Variants in ERICH6 observed in about 807,000 individuals in gnomAD.
ERICH6 encodes glutamate rich 6.
A neutral mutation model predicts 71.0 loss-of-function variants in ERICH6; 71 were observed. The observed-to-expected ratio is 1.00, with a 90% confidence interval of 0.83 to 1.22. ERICH6 has a LOEUF of 1.22. ERICH6 is among the 50% of genes most tolerant of loss of function. ERICH6 has a pLI of 0.00. For missense variants in ERICH6, 808 were observed against 797.2 expected (o/e 1.01, Z -0.16); for synonymous variants, 262 against 278.4 (o/e 0.94, Z 0.59).
At chr3:150,681,501 T>C (rs1711935053) in intron 7 of ERICH6, among the ~76,000 whole-genome samples, 1 of 152,248 alleles carries the variant, frequency 6.6e-6, no homozygotes, top group Non-Finnish European at 1.5e-5. Context: ...CATGCTGCTG[T>C]CAACATTTTT....
Position 150,702,103 on chromosome 3 carries a change from T to C in ERICH6, c.461+18A>G, listed in dbSNP as rs373051877. The C allele has an allele frequency of 6.0e-6, 9 of 1,504,796 alleles. No homozygotes were observed. The African/African-American group carries it at 1.2e-4, about 21-fold the overall frequency. 93.2% of individuals were successfully genotyped at this position (1,504,796 alleles called of 1,614,324 possible). A position where few individuals can be genotyped will look rare whatever the true frequency, so the allele number is the denominator to read the frequency against. Reference sequence around the variant, plus strand: ...TTATTGGGTTCAAAAAATGTGAAATTTGAAAACATTTTCTTACCTATCTAT... The same window carrying C: ...TTATTGGGTTCAAAAAATGTGAAATCTGAAAACATTTTCTTACCTATCTAT... On this transcript the variant is annotated intron_variant, in intron 2 of 13. Transcript: ENST00000295910.
rs574271897 is a variant in ERICH6 at position 150,683,514 on chromosome 3, C to T, written c.784-1198G>A. Among the ~76,000 whole-genome samples the T allele has an allele frequency of 3.1e-4, 47 of 152,080 alleles. 1 individual carries two copies. In the South Asian group the frequency reaches 6.6e-3, roughly 22 times the overall value. On this transcript the variant is annotated intron_variant, in intron 6 of 13. Transcript: ENST00000295910. ...GCATGGTGGCTCACACCTGTAATCCCGCACTTTGGGAGGCCGAGGCAGGCC... is the reference window on the plus strand; with the variant it reads ...GCATGGTGGCTCACACCTGTAATCCTGCACTTTGGGAGGCCGAGGCAGGCC...
intron 3 of ERICH6, among the ~76,000 whole-genome samples, chr3:150,689,831 C>G (rs7633706): frequency 0.61 from 92,266 of 151,994 alleles, 29,139 homozygotes; most frequent in Non-Finnish European, 0.7. Context: ...AGTCCCTTTG[C>G]GGGAGAACGC....
chr3:150,661,891 C>A (rs377680645), intron 13 of ERICH6, among the ~76,000 whole-genome samples: 3 of 151,992 alleles, frequency 2.0e-5, no homozygotes, highest in South Asian at 2.1e-4. Flanking sequence ...TAAAAACAAA[C>A]AAACAAAAAA....
At position 150,685,757 on chromosome 3, in the gene ERICH6, T is replaced by A; in HGVS notation, c.768A>T (p.Leu256Phe). ...ILAYKEESSN[L>F]GINFKDEEEE... ...TTAAAGTCACCTTGAAGTTAATGCC[T>A]AAATTGGAGCTCTCTTCTTTGTATG... Residue 256 changes from leucine to phenylalanine, a missense_variant, in exon 6 of 14, where the codon TTA (leucine) becomes TTT (phenylalanine). By Grantham distance (22) the Leu-to-Phe change is conservative. This residue lies in a region of ERICH6 where 736 missense variants were observed against 712.2 expected (regional missense o/e 1.03). Transcript: ENST00000295910. 1 of 1,612,890 alleles carries A rather than the reference T, an allele frequency of 6.2e-7. No homozygotes were observed. Among genetic ancestry groups the A allele is most frequent in the Non-Finnish European group, 8.5e-7 (1 of 1,179,602 alleles).
chr3:150,663,724 C>T (rs756825058), intron 13 of ERICH6, among the ~76,000 whole-genome samples: 3 of 152,082 alleles, frequency 2.0e-5, no homozygotes, highest in African/African-American at 4.8e-5. Flanking sequence ...GTAATGCTCC[C>T]GTCACAGCCT....
chr3:150,702,244 C>G (rs1217359902), intron 1 of ERICH6, 66 bp from the exon 2 acceptor site: 1 of 899,886 alleles, frequency 1.1e-6, no homozygotes, highest in Non-Finnish European at 1.7e-6. Context: ...CTACCCCCCC[C>G]AGGAACACAT....
intron 13 of ERICH6, among the ~76,000 whole-genome samples, chr3:150,664,040 G>C (rs555107037): frequency 1.4e-4 from 22 of 151,934 alleles, no homozygotes; most frequent in Admixed American, 1.4e-3. Context: ...CCAATATTTA[G>C]AAAAAGGGGA....
At chr3:150,668,046 G>A (rs1347419923) in intron 12 of ERICH6, among the ~76,000 whole-genome samples, 5 of 152,150 alleles carry the variant, frequency 3.3e-5, no homozygotes, top group Non-Finnish European at 7.3e-5. Context: ...TTGATCAGTG[G>A]TAGTAATCTA....
intron 3 of ERICH6, among the ~76,000 whole-genome samples, chr3:150,692,193 A>C (rs1333608418): frequency 2.6e-5 from 4 of 152,200 alleles, no homozygotes. Context: ...ATCTTATATC[A>C]AGATTAAAAT....
At chr3:150,678,322 G>A in intron 10 of ERICH6, 87 bp downstream of exon 10, 1 of 1,330,184 alleles carries the variant, frequency 7.5e-7, no homozygotes. Context: ...AATGCATCAT[G>A]TAGCCAAGCT....
rs1456682320 is a variant in ERICH6 at position 150,703,689 on chromosome 3, A to C, written c.210T>G (p.Pro70=). Reference sequence around the variant, plus strand: ...AGAGGTACTCTTCGCTGAACGTCTCAGGGGCCTCCAACTCCTGCTCTTCCC... The same window carrying C: ...AGAGGTACTCTTCGCTGAACGTCTCCGGGGCCTCCAACTCCTGCTCTTCCC... The part of the protein sequence containing the change: ...LVGEEQELEA[P]ETFSEEYLWK... Residue 70 remains proline, a synonymous_variant, in exon 1 of 14, where the codon CCT becomes CCG. Coordinates refer to ENST00000295910, the MANE Select transcript of ERICH6 (RefSeq NM_152394.5). The C allele has an allele frequency of 6.2e-7, 1 of 1,610,248 alleles. No individual in the cohort carries two copies. The highest frequency in any genetic ancestry group is 8.5e-7 in the Non-Finnish European group (1 of 1,178,406).
At chr3:150,674,796 C>A (rs1024496427) in intron 10 of ERICH6, among the ~76,000 whole-genome samples, 1 of 151,532 alleles carries the variant, frequency 6.6e-6, no homozygotes, top group Non-Finnish European at 1.5e-5. Flanking sequence ...AGCATTACTG[C>A]CCCCCAACCT....
chr3:150,673,022 C>T (rs924964389), intron 11 of ERICH6, among the ~76,000 whole-genome samples: 1 of 151,908 alleles, frequency 6.6e-6, no homozygotes, highest in Non-Finnish European at 1.5e-5. Flanking sequence ...GAGACCCTGT[C>T]TTAAAAAAAC....
chr3:150,701,647 G>GAATATTTAC (rs1404132257), intron 2 of ERICH6, among the ~76,000 whole-genome samples: 5 of 152,098 alleles, frequency 3.3e-5, no homozygotes, highest in African/African-American at 1.2e-4. Context: ...AGATTTCAGG[G>GAATATTTAC]AATATTTACA....
At chr3:150,687,638 C>T (rs1271874677) in intron 3 of ERICH6, among the ~76,000 whole-genome samples, 1 of 152,128 alleles carries the variant, frequency 6.6e-6, no homozygotes, top group Non-Finnish European at 1.5e-5. Flanking sequence ...AAGCCATCCA[C>T]AAATCAGCAA....
At chr3:150,680,074 G>A (rs1242277210) in intron 9 of ERICH6, among the ~76,000 whole-genome samples, 1 of 152,226 alleles carries the variant, frequency 6.6e-6, no homozygotes, top group African/African-American at 2.4e-5. Flanking sequence ...TCTGTAAAGT[G>A]CTCTGTAGGT....
chr3:150,694,590 C>T (rs930040641), intron 3 of ERICH6, among the ~76,000 whole-genome samples: 8 of 152,206 alleles, frequency 5.3e-5, no homozygotes, highest in Admixed American at 6.5e-5. Context: ...CACTTCGTTC[C>T]TCCTTTCCTT....
rs1364981249 is a variant in ERICH6 at position 150,679,212 on chromosome 3, TTTTATTTTTA to T, written c.1112-668_1112-659del. On this transcript the variant is annotated intron_variant, in intron 9 of 13. Coordinates refer to ENST00000295910, the MANE Select transcript of ERICH6 (RefSeq NM_152394.5). ...GTATCTTTTTTTTTGGCAGTTCAACTTTTATTTTTATTTATTTTTATTTTATTATTTCAAT... is the reference window on the plus strand; with the variant it reads ...GTATCTTTTTTTTTGGCAGTTCAACTTTTATTTTTATTTTATTATTTCAAT... Among the ~76,000 whole-genome samples, 11 of 152,084 alleles carry T rather than the reference TTTTATTTTTA, an allele frequency of 7.2e-5. No homozygotes were observed. The East Asian group carries it at 1.2e-3, about 16-fold the overall frequency.
Sources: allele counts gnomAD v4.1 joint callset (sites outside exome capture counted in the v4.1 genomes callset), GRCh38; gene constraint gnomAD v4.1.1; regional missense constraint gnomAD v4.1.1; transcripts MANE v1.5; gene names NCBI Gene and HGNC (gene_info 2026-07-23, HGNC 2026-07-21).